Variants in SLC10A7 observed in about 807,000 individuals in gnomAD.
The protein encoded by SLC10A7 is sodium/bile acid cotransporter 7.
In SLC10A7, 29 loss-of-function variants were observed where a neutral mutation model predicts 43.2. The observed-to-expected ratio is 0.67, with a 90% CI of 0.50 to 0.92. The LOEUF (loss-of-function observed/expected upper bound fraction) is 0.92, where lower values mean the gene tolerates loss of function less well. Ranked by LOEUF, SLC10A7 falls within the 40% of genes least tolerant of loss-of-function variation. The probability of loss-of-function intolerance (pLI) is 0.00; values close to 1 mark genes in which losing one functional copy is unlikely to be tolerated. For synonymous variants in SLC10A7, 152 were observed against 144.8 expected (o/e 1.05, Z -0.35); for missense variants, 295 against 403.2 (o/e 0.73, Z 2.30).
At chr4:146,411,245 T>C (rs1348414100) in intron 5 of SLC10A7, among the ~76,000 whole-genome samples, 1 of 152,160 alleles carries the variant, frequency 6.6e-6, no homozygotes, top group Non-Finnish European at 1.5e-5. Flanking sequence ...ATTTTTATAC[T>C]CATGTCAACC....
At chr4:146,476,512 T>C (rs572050606) in intron 4 of SLC10A7, among the ~76,000 whole-genome samples, 79 of 152,256 alleles carry the variant, frequency 5.2e-4, no homozygotes, top group African/African-American at 1.8e-3. Flanking sequence ...TGCATGTGCA[T>C]GTGTCTTGGG....
At chr4:146,292,874 G>T in intron 9 of SLC10A7, 55 bp downstream of exon 9, 2 of 1,268,208 alleles carry the variant, frequency 1.6e-6, no homozygotes, top group Non-Finnish European at 2.3e-6. Flanking sequence ...TAGCCAAGTA[G>T]ACCGCATGAT....
At chr4:146,262,305 T>C (rs1024564080) in intron 10 of SLC10A7, among the ~76,000 whole-genome samples, 1 of 152,134 alleles carries the variant, frequency 6.6e-6, no homozygotes, top group Non-Finnish European at 1.5e-5. Flanking sequence ...ATGGTGGCGA[T>C]CATTTGGAAG....
At chr4:146,412,390 C>T (rs554781173) in intron 5 of SLC10A7, among the ~76,000 whole-genome samples, 1 of 152,174 alleles carries the variant, frequency 6.6e-6, no homozygotes, top group East Asian at 1.9e-4. Context: ...CTTTTGGGTG[C>T]AAAGAAAGAA....
intron 4 of SLC10A7, among the ~76,000 whole-genome samples, chr4:146,461,945 T>C (rs1732576265): frequency 6.6e-6 from 1 of 151,658 alleles, no homozygotes; most frequent in Admixed American, 6.6e-5. Flanking sequence ...GAAAATTACA[T>C]CAGCCCCCAC....
chr4:146,326,021 A>C, intron 5 of SLC10A7, 25 bp from the exon 6 acceptor site: 1 of 1,606,156 alleles, frequency 6.2e-7, no homozygotes, highest in East Asian at 2.2e-5. Context: ...AGAGAGGATG[A>C]TCATTTATCA....
intron 5 of SLC10A7, among the ~76,000 whole-genome samples, chr4:146,399,799 T>G (rs1198140461): frequency 6.6e-6 from 1 of 152,098 alleles, no homozygotes; most frequent in East Asian, 1.9e-4. Flanking sequence ...TCAAGACTTC[T>G]ACTTTGCGCA....
intron 5 of SLC10A7, among the ~76,000 whole-genome samples, chr4:146,378,891 T>A (rs1284616095): frequency 1.3e-5 from 2 of 152,138 alleles, no homozygotes; most frequent in Non-Finnish European, 2.9e-5. Flanking sequence ...GAAGATCAGA[T>A]AATCTGCAAA....
chr4:146,468,757 T>C (rs538919081), intron 4 of SLC10A7, among the ~76,000 whole-genome samples: 10 of 152,290 alleles, frequency 6.6e-5, no homozygotes, highest in African/African-American at 2.4e-4. Context: ...CCACCGCGCC[T>C]GGCCAGCAAG....
chr4:146,463,960 C>G (rs1732776251), intron 4 of SLC10A7, among the ~76,000 whole-genome samples: 1 of 151,544 alleles, frequency 6.6e-6, no homozygotes, highest in Non-Finnish European at 1.5e-5. Context: ...GTTGCTGGGA[C>G]TACAGGTATG....
chr4:146,300,650 G>A (rs1187747938), intron 7 of SLC10A7, among the ~76,000 whole-genome samples: 1 of 152,192 alleles, frequency 6.6e-6, no homozygotes. Flanking sequence ...TAATGTACCT[G>A]TGGGCCAGTT....
Position 146,421,591 on chromosome 4 carries a change from C to G in SLC10A7, c.435+21192G>C, listed in dbSNP as rs11942568. Among the ~76,000 whole-genome samples the G allele has an allele frequency of 4.5e-3, 686 of 152,312 alleles. 4 individuals are homozygous for G. Among genetic ancestry groups the G allele is most frequent in the African/African-American group, 0.016 (658 of 41,570 alleles). The stretch of plus-strand genomic sequence containing the variant: ...ATAATACTGTCTCACCTAATTTCCA[C>G]CAGCCACCAAGAATGGGCTTACTCC... On this transcript the variant is annotated intron_variant, in intron 5 of 11. Transcript: ENST00000335472.
At chr4:146,438,769 G>T (rs1359770520) in intron 5 of SLC10A7, among the ~76,000 whole-genome samples, 1 of 151,920 alleles carries the variant, frequency 6.6e-6, no homozygotes, top group Admixed American at 6.6e-5. Context: ...TCTAAATTTA[G>T]TTTGGCGAAT....
intron 5 of SLC10A7, among the ~76,000 whole-genome samples, chr4:146,406,501 T>C (rs1205324055): frequency 2.6e-5 from 4 of 152,188 alleles, no homozygotes; most frequent in Non-Finnish European, 5.9e-5. Flanking sequence ...GTACTTTGCA[T>C]GGGAAAGCCT....
At chr4:146,518,026 C>A (rs137941821) in intron 1 of SLC10A7, among the ~76,000 whole-genome samples, 1 of 152,152 alleles carries the variant, frequency 6.6e-6, no homozygotes, top group Non-Finnish European at 1.5e-5. Context: ...GGTGACCCAG[C>A]CAGGCCTGGT....
intron 10 of SLC10A7, among the ~76,000 whole-genome samples, chr4:146,264,560 C>T (rs1472643715): frequency 1.3e-5 from 2 of 151,998 alleles, no homozygotes; most frequent in East Asian, 3.9e-4. Context: ...GGAGAATGGC[C>T]CAGACAAGGT....
intron 1 of SLC10A7, among the ~76,000 whole-genome samples, chr4:146,519,100 TA>T (rs1560991640): frequency 5.1e-4 from 17 of 33,404 alleles, no homozygotes; most frequent in African/African-American, 1.7e-3. Flanking sequence ...TATATATATA[TA>T]TATATATATA....
intron 5 of SLC10A7, among the ~76,000 whole-genome samples, chr4:146,403,056 T>C (rs1344340833): frequency 6.6e-6 from 1 of 152,198 alleles, no homozygotes; most frequent in Non-Finnish European, 1.5e-5. Flanking sequence ...AGTTGGTATA[T>C]ATAAAGTGCT....
chr4:146,333,935 G>T (rs17021384), intron 5 of SLC10A7, among the ~76,000 whole-genome samples: 1 of 152,038 alleles, frequency 6.6e-6, no homozygotes, highest in Non-Finnish European at 1.5e-5. Flanking sequence ...CTAAGGCGAT[G>T]GGATCTTAGT....
Sources: gnomAD v4.1 joint callset for allele counts (sites outside exome capture counted in the v4.1 genomes callset) on GRCh38, gnomAD v4.1.1 for gene constraint, MANE v1.5 for transcripts, NCBI Gene and HGNC (gene_info 2026-07-23, HGNC 2026-07-21) for gene names.